PTPRD: variants seen among roughly 807,000 people sequenced by gnomAD.
The protein encoded by PTPRD is receptor-type tyrosine-protein phosphatase delta.
Under a neutral mutation model 214.5 loss-of-function variants are expected in PTPRD, and 34 were observed. That is an observed-to-expected ratio of 0.16 (90% CI 0.12 to 0.21). PTPRD has a LOEUF of 0.21. PTPRD is among the 10% of genes least tolerant of loss of function. PTPRD has a pLI of 1.00. For synonymous variants in PTPRD, 1,128 were observed against 845.7 expected (o/e 1.33, Z -5.79); for missense variants, 2,545 against 2,398.7 (o/e 1.06, Z -1.27).
intron 9 of PTPRD, among the ~76,000 whole-genome samples, chr9:9,376,198 C>T (rs1000961229): frequency 2.0e-5 from 3 of 152,042 alleles, no homozygotes; most frequent in African/African-American, 4.8e-5. Flanking sequence ...AAAAAGTCTT[C>T]ATTCAAAATC....
intron 5 of PTPRD, among the ~76,000 whole-genome samples, chr9:9,808,191 G>A (rs2046029886): frequency 6.6e-6 from 1 of 152,134 alleles, no homozygotes; most frequent in African/African-American, 2.4e-5. Flanking sequence ...TGTTTTATAG[G>A]TTATTGGGGC....
chr9:10,482,150 T>A (rs1180942706), intron 2 of PTPRD, among the ~76,000 whole-genome samples: 2 of 152,068 alleles, frequency 1.3e-5, no homozygotes, highest in Non-Finnish European at 2.9e-5. Flanking sequence ...GGCGGGAGAA[T>A]CACGAGGTCA....
At chr9:8,933,731 A>G (rs1323532913) in intron 11 of PTPRD, among the ~76,000 whole-genome samples, 1 of 152,138 alleles carries the variant, frequency 6.6e-6, no homozygotes, top group Non-Finnish European at 1.5e-5. Context: ...TTGGGGTTCA[A>G]ATGACATCAG....
chr9:9,962,308 CAAT>C (rs1397845950), intron 4 of PTPRD, among the ~76,000 whole-genome samples: 1 of 122,898 alleles, frequency 8.1e-6, no homozygotes, highest in African/African-American at 3.8e-5. Flanking sequence ...TAACAGAAAA[CAAT>C]AATTAAGTTA....
intron 44 of PTPRD, among the ~76,000 whole-genome samples, chr9:8,320,624 T>C (rs7046235): frequency 0.072 from 11,003 of 152,082 alleles, 1,103 homozygotes; most frequent in African/African-American, 0.23. Flanking sequence ...CTTAGAACTT[T>C]CAACAGATTC....
At chr9:10,101,957 G>T (rs2098555449) in intron 3 of PTPRD, among the ~76,000 whole-genome samples, 1 of 151,598 alleles carries the variant, frequency 6.6e-6, no homozygotes, top group South Asian at 2.1e-4. Context: ...AAGAAGAAAA[G>T]CCATATGTCA....
At chr9:8,550,452 C>A (rs1380028696) in intron 14 of PTPRD, among the ~76,000 whole-genome samples, 3 of 152,142 alleles carry the variant, frequency 2.0e-5, no homozygotes, top group Admixed American at 2.0e-4. Context: ...CTATATTCTG[C>A]ATTATTTATT....
intron 11 of PTPRD, among the ~76,000 whole-genome samples, chr9:8,833,530 C>A (rs540649036): frequency 8.8e-5 from 11 of 125,570 alleles, no homozygotes; most frequent in Admixed American, 2.4e-4. Flanking sequence ...TTCCAATTTT[C>A]TTTTTTTCAT....
intron 44 of PTPRD, among the ~76,000 whole-genome samples, chr9:8,324,539 T>C (rs556061621): frequency 1.3e-5 from 2 of 152,308 alleles, no homozygotes; most frequent in East Asian, 3.9e-4. Flanking sequence ...TTTGCTATTG[T>C]GAATAGTGCC....
intron 8 of PTPRD, among the ~76,000 whole-genome samples, chr9:9,467,484 G>C (rs1234588317): frequency 6.6e-6 from 1 of 150,690 alleles, no homozygotes; most frequent in African/African-American, 2.4e-5. Context: ...CTACTCGAGA[G>C]GCTGAGGCAG....
At chr9:9,408,428 C>A (rs1340837691) in intron 8 of PTPRD, among the ~76,000 whole-genome samples, 1 of 151,774 alleles carries the variant, frequency 6.6e-6, no homozygotes, top group Non-Finnish European at 1.5e-5. Context: ...GCCATGTTTA[C>A]AAATGTGCCC....
At chr9:9,646,483 G>C (rs1052795063) in intron 7 of PTPRD, among the ~76,000 whole-genome samples, 7 of 151,914 alleles carry the variant, frequency 4.6e-5, no homozygotes, top group African/African-American at 1.2e-4. Flanking sequence ...CTACTATTAA[G>C]TTTTCTGTTT....
chr9:8,750,298 C>A (rs902967913), intron 11 of PTPRD, among the ~76,000 whole-genome samples: 4 of 151,882 alleles, frequency 2.6e-5, no homozygotes, highest in Non-Finnish European at 5.9e-5. Flanking sequence ...GCTGGGACTA[C>A]AGGCGCGGGC....
At chr9:10,143,999 C>G (rs750007999) in intron 3 of PTPRD, among the ~76,000 whole-genome samples, 3 of 152,006 alleles carry the variant, frequency 2.0e-5, no homozygotes, top group African/African-American at 4.8e-5. Context: ...CAAGCCTCAG[C>G]ATCATTTAAT....
chr9:10,455,818 T>C (rs911846141), intron 2 of PTPRD, among the ~76,000 whole-genome samples: 1 of 151,820 alleles, frequency 6.6e-6, no homozygotes, highest in Non-Finnish European at 1.5e-5. Flanking sequence ...TTACTCCTAC[T>C]GAATGTGATT....
intron 36 of PTPRD, among the ~76,000 whole-genome samples, chr9:8,394,201 A>C (rs1410552739): frequency 6.6e-6 from 1 of 151,784 alleles, no homozygotes; most frequent in African/African-American, 2.4e-5. Context: ...GCAAACAAAC[A>C]CCCAACTTGC....
At chr9:8,379,925 C>A (rs1316907837) in intron 37 of PTPRD, among the ~76,000 whole-genome samples, 1 of 152,108 alleles carries the variant, frequency 6.6e-6, no homozygotes, top group Non-Finnish European at 1.5e-5. Context: ...GTCTGGCCGC[C>A]TCATCTGTGA....
chr9:9,467,598 A>AAAAAAAAAAAAAAC (rs2094294849), intron 8 of PTPRD, among the ~76,000 whole-genome samples: 1 of 148,900 alleles, frequency 6.7e-6, no homozygotes, highest in Admixed American at 6.8e-5. Flanking sequence ...CAAAAAAAAA[A>AAAAAAAAAAAAAAC]AAAAAAAAAA....
chr9:9,923,259 TC>T (rs1187099467), intron 5 of PTPRD, among the ~76,000 whole-genome samples: 1 of 150,858 alleles, frequency 6.6e-6, no homozygotes, highest in Non-Finnish European at 1.5e-5. Context: ...GTTTTTTTTT[TC>T]AAATAAAATA....
Sources: gnomAD v4.1 joint callset for allele counts (sites outside exome capture counted in the v4.1 genomes callset) on GRCh38, gnomAD v4.1.1 for gene constraint, MANE v1.5 for transcripts, NCBI Gene and HGNC (gene_info 2026-07-23, HGNC 2026-07-21) for gene names.